Variants in GJC1 observed in about 807,000 individuals in gnomAD.
GJC1 encodes the protein gap junction gamma-1 protein.
GJC1 carries 5 observed loss-of-function variants against 29.3 expected under a neutral mutation model. The observed-to-expected ratio is 0.17, with a 90% CI of 0.09 to 0.36. The LOEUF (loss-of-function observed/expected upper bound fraction) is 0.36. Among genes scored for constraint, GJC1 ranks in the 10% least tolerant of loss-of-function variants. The pLI, the probability that GJC1 is intolerant of heterozygous loss-of-function variation, is 1.00. For synonymous variants in GJC1, 177 were observed against 183.3 expected, an observed-to-expected ratio of 0.97 and a Z score of 0.28; for missense variants, 310 against 496.2, an observed-to-expected ratio of 0.62 and a Z score of 3.56.
At chr17:44,796,165 A>G (rs982331220), downstream of GJC1, among the ~76,000 whole-genome samples, 1 of 152,210 alleles carries the variant, frequency 6.6e-6, no homozygotes, top group African/African-American at 2.4e-5. Context: ...TGGGCAGGAA[A>G]TGCCAGTCCT....
At chr17:44,795,496 G>C (rs548612403), downstream of GJC1, among the ~76,000 whole-genome samples, 29 of 152,332 alleles carry the variant, frequency 1.9e-4, no homozygotes, top group Non-Finnish European at 3.2e-4. Flanking sequence ...GCCTCCTAAA[G>C]TGCTGGGATT....
At chr17:44,823,129 T>C (rs189496437) in intron 1 of GJC1, among the ~76,000 whole-genome samples, 8 of 152,192 alleles carry the variant, frequency 5.3e-5, no homozygotes, top group Admixed American at 3.3e-4. Flanking sequence ...TCTATAACTA[T>C]TGGGAGTTGA....
chr17:44,808,144 A>G (rs1035777628), intron 1 of GJC1, among the ~76,000 whole-genome samples: 1 of 152,184 alleles, frequency 6.6e-6, no homozygotes, highest in African/African-American at 2.4e-5. Context: ...CATTTAGCAA[A>G]TAAATTTAAA....
Position 44,804,679 on chromosome 17 carries a change from T to C in GJC1, c.1139A>G (p.Lys380Arg), listed in dbSNP as rs762054307. The C allele has an allele frequency of 5.0e-6, 8 of 1,614,116 alleles. No individual in the cohort carries two copies. The highest frequency in any genetic ancestry group is 6.8e-6 in the Non-Finnish European group (8 of 1,180,004). ...CCCTGATTTGCTACTGGCAGTGCTT[T>C]TGTTGGACCCAGCTTTGGACCCCAC... ...AKVGSKAGSN[K>R]STASSKSGDG... is the part of the protein sequence containing the mutation. The change falls in exon 3 of 3, where the codon AAA becomes AGA. Residue 380 changes from lysine (K) to arginine (R), a missense_variant. Lys to Arg is a conservative substitution (Grantham distance 26). Around this residue, in one of 4 missense-constraint regions of GJC1, gnomAD observed 146 missense variants for 165.0 expected, o/e 0.88. Transcript: ENST00000592524.
At chr17:44,806,780 G>A (rs986339732) in intron 2 of GJC1, among the ~76,000 whole-genome samples, 5 of 151,828 alleles carry the variant, frequency 3.3e-5, no homozygotes, top group African/African-American at 9.7e-5. Flanking sequence ...ATAGTTATTC[G>A]GTCCAATCAC....
At position 44,804,667 on chromosome 17, in the gene GJC1, CT is replaced by C; in HGVS notation, c.1150del (p.Ser384ValfsTer28). ...GGTCTTCCCATCCCCTGATTTGCTA[CT>C]GGCAGTGCTTTTGTTGGACCCAGCT... ...SKAGSNKSTA[S>X]SKSGDGKTSV... On this transcript the variant is annotated frameshift_variant, in exon 3 of 3. Transcript: ENST00000592524. LOFTEE classifies it high-confidence loss of function. 6.2e-7 allele frequency: 1 copy of C among 1,613,998 alleles called. No individual in the cohort carries two copies. Among genetic ancestry groups the C allele is most frequent in the Non-Finnish European group, 8.5e-7 (1 of 1,179,908 alleles).
chr17:44,818,161 T>C (rs1181567906), intron 1 of GJC1, among the ~76,000 whole-genome samples: 2 of 151,872 alleles, frequency 1.3e-5, no homozygotes, highest in African/African-American at 2.4e-5. Flanking sequence ...TGCAGTGAGC[T>C]GAGATTGCGC....
downstream of GJC1, among the ~76,000 whole-genome samples, chr17:44,796,806 C>CACACACACACACAAAT (rs1451315132): frequency 4.4e-3 from 12 of 2,698 alleles, no homozygotes; most frequent in Admixed American, 0.023. Context: ...ATCTAAAATA[C>CACACACACACACAAAT]ACACACACAC....
chr17:44,820,913 T>C (rs1430377157), intron 1 of GJC1, among the ~76,000 whole-genome samples: 1 of 152,228 alleles, frequency 6.6e-6, no homozygotes, highest in Non-Finnish European at 1.5e-5. Flanking sequence ...AAGTAGCACA[T>C]AGTAATCTAT....
At chr17:44,796,608 A>G (rs1567701619), downstream of GJC1, among the ~76,000 whole-genome samples, 1 of 152,244 alleles carries the variant, frequency 6.6e-6, no homozygotes, top group Non-Finnish European at 1.5e-5. Context: ...ACTATAATGT[A>G]CATAAGAATC....
At chr17:44,821,650 T>A (rs1263125961) in intron 1 of GJC1, among the ~76,000 whole-genome samples, 1 of 127,150 alleles carries the variant, frequency 7.9e-6, no homozygotes, top group South Asian at 2.5e-4. Context: ...TGAGCCAAGA[T>A]CGCGCCATTG....
intron 1 of GJC1, among the ~76,000 whole-genome samples, chr17:44,808,119 T>A (rs567901521): frequency 1.3e-5 from 2 of 152,244 alleles, no homozygotes; most frequent in African/African-American, 4.8e-5. Context: ...CCAAATGTCA[T>A]CCATAAGGCG....
In GJC1 at chr17:44,799,203, G is replaced by A. The variant is rs1366636353; in HGVS notation, c.*5424C>T. 1 of 151,452 alleles carries A rather than the reference G, an allele frequency of 6.6e-6. No individual in the cohort carries two copies. The highest frequency in any genetic ancestry group is 2.4e-5 in the African/African-American group (1 of 41,170). The allele number at this position is 151,452 out of a possible 1,614,324, so 9.4% of individuals were successfully genotyped here. On this transcript the variant is annotated 3_prime_UTR_variant, in exon 3 of 3. Coordinates refer to ENST00000592524, the MANE Select transcript of GJC1 (RefSeq NM_005497.4). ...TTTTATCTCTGTAGAAACTGCACTG[G>A]ATAACTTTTTTCCTCTTTTTTGGCG...
downstream of GJC1, among the ~76,000 whole-genome samples, chr17:44,796,230 A>G (rs2049782608): frequency 6.6e-6 from 1 of 152,216 alleles, no homozygotes; most frequent in African/African-American, 2.4e-5. Context: ...TCCTCTATGC[A>G]GCACTTCCCT....
chr17:44,816,812 T>C (rs1597753190), intron 1 of GJC1, among the ~76,000 whole-genome samples: 1 of 152,032 alleles, frequency 6.6e-6, no homozygotes, highest in South Asian at 2.1e-4. Flanking sequence ...GCCGAATTAA[T>C]AGGATTTTTG....
intron 1 of GJC1, among the ~76,000 whole-genome samples, chr17:44,808,145 T>C (rs181007430): frequency 1.6e-4 from 24 of 151,816 alleles, no homozygotes; most frequent in Admixed American, 6.6e-4. Context: ...ATTTAGCAAA[T>C]AAATTTAAAA....
upstream of GJC1, among the ~76,000 whole-genome samples, chr17:44,831,106 C>A (rs550336931): frequency 4.9e-4 from 74 of 152,226 alleles, no homozygotes; most frequent in African/African-American, 1.7e-3. Context: ...TTATTTTGCC[C>A]TTTTGACCAG....
At chr17:44,821,717 A>AC (rs2050109377) in intron 1 of GJC1, among the ~76,000 whole-genome samples, 2 of 146,178 alleles carry the variant, frequency 1.4e-5, no homozygotes, top group South Asian at 2.2e-4. Context: ...AAAAAAAAAA[A>AC]AAAAAAAACA....
chr17:44,822,113 T>G (rs554476098), intron 1 of GJC1, among the ~76,000 whole-genome samples: 86 of 132,526 alleles, frequency 6.5e-4, no homozygotes, highest in African/African-American at 2.4e-3. Context: ...AGGAGAATGG[T>G]GTGAACCTGG....
Sources: gnomAD v4.1 joint callset for allele counts (sites outside exome capture counted in the v4.1 genomes callset) on GRCh38, gnomAD v4.1.1 for gene constraint, gnomAD v4.1.1 regional missense constraint, MANE v1.5 for transcripts, NCBI Gene and HGNC (gene_info 2026-07-23, HGNC 2026-07-21) for gene names.